Variants in POMT1 observed in about 807,000 individuals in gnomAD.
The protein encoded by POMT1 is protein O-mannosyltransferase 1, also known as protein O-mannosyl-transferase 1.
A neutral mutation model predicts 101.6 loss-of-function variants in POMT1; 85 were observed. The observed-to-expected ratio is 0.84, with a 90% CI of 0.70 to 1.00. The LOEUF (loss-of-function observed/expected upper bound fraction) is 1.00. Ranked by LOEUF, POMT1 falls within the 50% of genes least tolerant of loss-of-function variation. POMT1 has a pLI of 0.00. For missense variants in POMT1, 857 were observed against 930.4 expected, an observed-to-expected ratio of 0.92 and a Z score of 1.03; for synonymous variants, 371 against 383.0, an observed-to-expected ratio of 0.97 and a Z score of 0.37.
intron 11 of POMT1, 80 bp from the exon 12 acceptor site, chr9:131,513,159 C>T: frequency 8.1e-7 from 1 of 1,238,040 alleles, no homozygotes; most frequent in Non-Finnish European, 1.2e-6. Context: ...CATGAGAATT[C>T]AGAGCTGTGC....
At chr9:131,506,535 T>C in intron 4 of POMT1, 82 bp downstream of exon 4, 1 of 1,379,492 alleles carries the variant, frequency 7.2e-7, no homozygotes, top group Non-Finnish European at 1.0e-6. Context: ...TTAACAACTG[T>C]GGCTTTTTTT....
At position 131,523,055 on chromosome 9, in the gene POMT1, C is replaced by CTT; in HGVS notation, c.2127_2128insTT (p.Lys710LeufsTer13). 1 of 1,611,576 alleles carries CTT rather than the reference C, an allele frequency of 6.2e-7. No homozygotes were observed. The highest frequency in any genetic ancestry group is 8.5e-7 in the Non-Finnish European group (1 of 1,179,896). Reference sequence around the variant, plus strand: ...ACAAGTCACTCTCGCCACATGAACTCAAGGCCCTTCGCTGGAAAGACAGCT... The same window carrying CTT: ...ACAAGTCACTCTCGCCACATGAACTCTTAAGGCCCTTCGCTGGAAAGACAGCT... On this transcript the variant is annotated frameshift_variant, in exon 20 of 20. Transcript: ENST00000402686. LOFTEE classifies it high-confidence loss of function.
chr9:131,504,165 C>T, intron 1 of POMT1, 24 bp from the exon 2 acceptor site: 2 of 1,613,562 alleles, frequency 1.2e-6, no homozygotes, highest in South Asian at 1.1e-5. Context: ...CCTCATGGAC[C>T]ACGGCTCCTC....
At chr9:131,510,661 A>C in intron 9 of POMT1, 1 of 532,586 alleles carries the variant, frequency 1.9e-6, no homozygotes, top group Non-Finnish European at 3.4e-6. Flanking sequence ...CTGCAACCAC[A>C]CCCAGCTAAT....
intron 13 of POMT1, 75 bp from the exon 14 acceptor site, chr9:131,518,370 G>A: frequency 8.3e-7 from 1 of 1,205,494 alleles, no homozygotes; most frequent in Non-Finnish European, 1.2e-6. Flanking sequence ...ATCATTGTTT[G>A]GTGACAGGTC....
At chr9:131,511,199 G>A in intron 9 of POMT1, 138 bp from the exon 10 acceptor site, 1 of 893,796 alleles carries the variant, frequency 1.1e-6, no homozygotes. Flanking sequence ...GTGATTAAAT[G>A]GGAGATCATT....
At chr9:131,521,617 G>C in intron 18 of POMT1, 145 bp downstream of exon 18, 1 of 1,046,008 alleles carries the variant, frequency 9.6e-7, no homozygotes, top group South Asian at 1.4e-5. Context: ...GGTGTGCGCT[G>C]AGCATTCACC....
At chr9:131,504,040 C>T in intron 1 of POMT1, 149 bp from the exon 2 acceptor site, 1 of 888,794 alleles carries the variant, frequency 1.1e-6, no homozygotes, top group Non-Finnish European at 1.8e-6. Flanking sequence ...ACATGTCTAC[C>T]TGAACCAAGG....
chr9:131,522,221 G>T lies in POMT1; in HGVS notation c.2000G>T (p.Cys667Phe). The T allele has an allele frequency of 6.2e-7, 1 of 1,613,500 alleles. No individual in the cohort carries two copies. Residue 667 changes from cysteine (C) to phenylalanine (F), a missense_variant, in exon 19 of 20, where the codon TGC becomes TTC. Coordinates refer to ENST00000402686, the MANE Select transcript of POMT1 (RefSeq NM_001077365.2). The surrounding 1 kb of genome is among the most constrained non-coding windows in gnomAD (Gnocchi z 5.5). ...CTGCAGCACATCAGCGACCACCTGT[G>T]CAGGTACGGGGGCTGCGGAGACAGT... ...VVLQHISDHL[C>F]RSQLQRSIFS...
chr9:131,518,855 C>G lies in POMT1; in HGVS notation c.1384C>G (p.Pro462Ala), dbSNP rs1347678628. 2.5e-6 allele frequency: 4 copies of G among 1,613,898 alleles called. No individual in the cohort carries two copies. Among genetic ancestry groups the G allele is most frequent in the Non-Finnish European group, 2.5e-6 (3 of 1,180,044 alleles). The change falls in exon 15 of 20, where the codon CCT becomes GCT. Residue 462 changes from proline to alanine, a missense_variant. Transcript: ENST00000402686. ...AVLKLSGAHL[P>A]DWGYRQLEIV... Reference sequence around the variant, plus strand: ...TCACCAGCTGAGCGGGGCTCACCTCCCTGACTGGGGGTATCGGCAACTGGA... The same window carrying G: ...TCACCAGCTGAGCGGGGCTCACCTCGCTGACTGGGGGTATCGGCAACTGGA...
At chr9:131,515,544 G>A (rs774699422) in intron 13 of POMT1, 22 bp downstream of exon 13, 3 of 1,604,566 alleles carry the variant, frequency 1.9e-6, no homozygotes, top group East Asian at 4.5e-5. Flanking sequence ...TGCGGCTATA[G>A]CAGCCACAAC....
At chr9:131,511,934 C>T (rs1947203023) in intron 10 of POMT1, 107 bp from the exon 11 acceptor site, 8 of 1,181,560 alleles carry the variant, frequency 6.8e-6, no homozygotes, top group Non-Finnish European at 9.9e-6. Flanking sequence ...TGGTCTCAAA[C>T]TCCTGGGCTC....
chr9:131,512,250 C>T (rs575044118), intron 11 of POMT1, 114 bp downstream of exon 11: 87 of 1,527,878 alleles, frequency 5.7e-5, no homozygotes, highest in South Asian at 5.4e-4. Flanking sequence ...ACTCTAGTCA[C>T]CGTCATGGCC....
intron 17 of POMT1, 162 bp from the exon 18 acceptor site, chr9:131,521,184 C>G: frequency 1.1e-6 from 1 of 948,292 alleles, no homozygotes; most frequent in Non-Finnish European, 1.6e-6. Context: ...AGGAGCAGAC[C>G]TGTCCACAGT....
chr9:131,513,384 C>G, intron 12 of POMT1, 53 bp downstream of exon 12: 1 of 1,530,898 alleles, frequency 6.5e-7, no homozygotes, highest in Non-Finnish European at 8.9e-7. Context: ...CTCTGTGGTT[C>G]TCTGTTCAGA....
Position 131,518,953 on chromosome 9 carries a change from C to A in POMT1, c.1482C>A (p.Gly494=), listed in dbSNP as rs377422156. 1.2e-6 allele frequency: 2 copies of A among 1,613,468 alleles called. No individual in the cohort carries two copies. Among genetic ancestry groups the A allele is most frequent in the Non-Finnish European group, 1.7e-6 (2 of 1,180,032 alleles). Reference sequence around the variant, plus strand: ...GGAACGTGGAGGAGCACCGATACGGCGCGAGTGAGTCCGCGGCGTGGCTTC... The same window carrying A: ...GGAACGTGGAGGAGCACCGATACGGAGCGAGTGAGTCCGCGGCGTGGCTTC... ...TVWNVEEHRY[G]ASQEQRERER... Residue 494 remains glycine, a synonymous_variant, in exon 15 of 20, where the codon GGC becomes GGA. Transcript: ENST00000402686.
At position 131,518,436 on chromosome 9, in the gene POMT1, T is replaced by G; in HGVS notation, c.1273-9T>G. 1 of 1,609,502 alleles carries G rather than the reference T, an allele frequency of 6.2e-7. No homozygotes were observed. The highest frequency in any genetic ancestry group is 8.5e-7 in the Non-Finnish European group (1 of 1,175,868). On this transcript the variant is annotated splice_polypyrimidine_tract_variant and intron_variant, in intron 13 of 19. Transcript: ENST00000402686. The stretch of plus-strand genomic sequence containing the variant: ...GGAATGAAATAATCCTTGAGATGTC[T>G]TTTTGCAGGAAATTGTGAACAGAGG...
At position 131,519,265 on chromosome 9, in the gene POMT1, C is replaced by T. The variant is rs939839549; in HGVS notation, c.1487-124C>T. The T allele has an allele frequency of 1.4e-5, 14 of 998,796 alleles. No homozygotes were observed. The highest frequency in any genetic ancestry group is 5.2e-5 in the East Asian group (2 of 38,432). The allele number at this position is 998,796 out of a possible 1,614,324, so 61.9% of individuals were successfully genotyped here. A position where few individuals can be genotyped will look rare whatever the true frequency, so the allele number is the denominator to read the frequency against. ...GTGGGGAAAGCTAAGTGGAATGATG[C>T]GGTTCGATAAGGGGTCTTTGTTAGA... On this transcript the variant is annotated intron_variant, in intron 15 of 19. Transcript: ENST00000402686. The surrounding 1 kb of genome is among the most constrained non-coding windows in gnomAD (Gnocchi z 4.3).
intron 1 of POMT1, 63 bp from the exon 2 acceptor site, chr9:131,504,126 G>GGGGATCCCTTCTGTAGCCTCTC: frequency 6.3e-7 from 1 of 1,595,290 alleles, no homozygotes; most frequent in Non-Finnish European, 8.6e-7. Context: ...CCGGGTGGCT[G>GGGGATCCCTTCTGTAGCCTCTC]GGGATCCCTT....
Sources: allele counts gnomAD v4.1 joint callset, GRCh38; gene constraint gnomAD v4.1.1; non-coding constraint Gnocchi (gnomAD v3.1); transcripts MANE v1.5; gene names NCBI Gene and HGNC (gene_info 2026-07-23, HGNC 2026-07-21).